The following ST8SIA4 variants were observed in gnomAD, a reference collection of about 807,000 sequenced individuals.
ST8SIA4 encodes ST8 alpha-N-acetyl-neuraminide alpha-2,8-sialyltransferase 4, also known as CMP-N-acetylneuraminate-poly-alpha-2,8-sialyltransferase.
A neutral mutation model predicts 33.9 loss-of-function variants in ST8SIA4; 15 were observed. That is an observed-to-expected ratio of 0.44 (90% CI 0.30 to 0.68). The LOEUF is 0.68. ST8SIA4 is among the 30% of genes least tolerant of loss of function. ST8SIA4 has a pLI of 0.10. For synonymous variants in ST8SIA4, 171 were observed against 151.2 expected (o/e 1.13, Z -0.96); for missense variants, 321 against 428.0 (o/e 0.75, Z 2.21).
At chr5:100,862,767 T>C (rs1235670518) in intron 3 of ST8SIA4, among the ~76,000 whole-genome samples, 3 of 152,226 alleles carry the variant, frequency 2.0e-5, no homozygotes, top group Non-Finnish European at 4.4e-5. Context: ...ATGTAATATA[T>C]GTGATTCTCA....
intron 4 of ST8SIA4, among the ~76,000 whole-genome samples, chr5:100,837,550 C>G (rs1476773035): frequency 1.3e-5 from 2 of 151,948 alleles, no homozygotes; most frequent in African/African-American, 4.8e-5. Context: ...TATGTTTATT[C>G]TGATGTGCTA....
chr5:100,850,786 T>C (rs1229364844), intron 4 of ST8SIA4, among the ~76,000 whole-genome samples: 7 of 111,510 alleles, frequency 6.3e-5, no homozygotes, highest in Non-Finnish European at 1.1e-4. Context: ...TAGATGTGTA[T>C]ATATATATAT....
chr5:100,817,109 A>ATTTTTTTTTTTTT (rs57222657), intron 4 of ST8SIA4, among the ~76,000 whole-genome samples: 3 of 74,362 alleles, frequency 4.0e-5, no homozygotes, highest in Non-Finnish European at 4.5e-5. Flanking sequence ...CACCCAGCTA[A>ATTTTTTTTTTTTT]TTTTTTTTTT....
Position 100,869,838 on chromosome 5 carries a change from T to A in ST8SIA4, c.504-13442A>T, listed in dbSNP as rs140778337. Among the ~76,000 whole-genome samples, 264 of 152,234 alleles carry A rather than the reference T, an allele frequency of 1.7e-3. 1 individual carries two copies. The highest frequency in any genetic ancestry group is 3.4e-3 in the Middle Eastern group (1 of 294). ...ACCTAACAATAGGGTGGTCTCAAAT[T>A]CTGTCTTATCTTTTTTGTTATTATT... On this transcript the variant is annotated intron_variant, in intron 3 of 4. Transcript: ENST00000231461.
intron 2 of ST8SIA4, among the ~76,000 whole-genome samples, chr5:100,888,749 T>C (rs1752595347): frequency 6.6e-6 from 1 of 151,952 alleles, no homozygotes; most frequent in Admixed American, 6.6e-5. Context: ...GTAACTCATA[T>C]CTTTTCTTTT....
chr5:100,902,864 T>C lies in ST8SIA4; in HGVS notation c.92A>G (p.His31Arg). ...TTACCCGATGAGTTGCGTCTCCTGG[T>C]GCTCCTCAGTTCTTGCTATTTCTTT... Reference protein sequence around the residue: ...KTKEIARTEEHQETQLIGDGE... With the variant: ...KTKEIARTEERQETQLIGDGE... The change falls in exon 1 of 5, where the codon CAC becomes CGC. Residue 31 changes from histidine to arginine, a missense_variant. Transcript: ENST00000231461. The C allele has an allele frequency of 6.2e-7, 1 of 1,614,172 alleles. No homozygotes were observed. The highest frequency in any genetic ancestry group is 8.5e-7 in the Non-Finnish European group (1 of 1,179,968).
intron 3 of ST8SIA4, among the ~76,000 whole-genome samples, chr5:100,869,511 A>G (rs1752151125): frequency 1.3e-5 from 2 of 152,054 alleles, no homozygotes; most frequent in South Asian, 4.2e-4. Context: ...TTCCTCCTCT[A>G]ATATCTTCCT....
chr5:100,823,470 G>T (rs186757569), intron 4 of ST8SIA4, among the ~76,000 whole-genome samples: 2 of 152,002 alleles, frequency 1.3e-5, no homozygotes, highest in Admixed American at 1.3e-4. Flanking sequence ...TCTTTCTTAC[G>T]TGAGATCCAA....
chr5:100,844,916 T>A (rs1751536302), intron 4 of ST8SIA4, among the ~76,000 whole-genome samples: 1 of 152,078 alleles, frequency 6.6e-6, no homozygotes, highest in South Asian at 2.1e-4. Context: ...CTTTGATCTC[T>A]TACCAATAGG....
intron 3 of ST8SIA4, chr5:100,885,732 A>G: frequency 7.4e-6 from 7 of 942,206 alleles, no homozygotes; most frequent in Non-Finnish European, 7.6e-6. Flanking sequence ...GGTTAATCAA[A>G]CACACAATTC....
At chr5:100,827,877 C>T (rs2112411221) in intron 4 of ST8SIA4, among the ~76,000 whole-genome samples, 1 of 152,298 alleles carries the variant, frequency 6.6e-6, no homozygotes, top group East Asian at 1.9e-4. Context: ...ATTTTAAGAT[C>T]ACAGATTTCC....
intron 3 of ST8SIA4, among the ~76,000 whole-genome samples, chr5:100,875,000 T>C (rs1197678746): frequency 6.6e-6 from 1 of 152,228 alleles, no homozygotes; most frequent in Non-Finnish European, 1.5e-5. Flanking sequence ...ATTTTTCTAA[T>C]GCTTACTAGC....
rs1033096636 is a variant in ST8SIA4 at position 100,853,067 on chromosome 5, C to T, written c.797+3036G>A. ...AGAGGATATGAAACTTCTTATTTTG[C>T]TGAACTGTATTAACCACAGGGTTTC... On this transcript the variant is annotated intron_variant, in intron 4 of 4. Coordinates refer to ENST00000231461, the MANE Select transcript of ST8SIA4 (RefSeq NM_005668.6). Among the ~76,000 whole-genome samples, 5 of 152,156 alleles carry T rather than the reference C, an allele frequency of 3.3e-5. No individual in the cohort carries two copies. In the South Asian group the frequency reaches 1.0e-3, roughly 32 times the overall value.
intron 3 of ST8SIA4, among the ~76,000 whole-genome samples, chr5:100,858,756 T>C (rs2112442978): frequency 6.6e-6 from 1 of 152,218 alleles, no homozygotes; most frequent in South Asian, 2.1e-4. Flanking sequence ...GAATGCTAAA[T>C]GAGTATGGTG....
chr5:100,822,956 C>T (rs527457636), intron 4 of ST8SIA4, among the ~76,000 whole-genome samples: 2 of 152,168 alleles, frequency 1.3e-5, no homozygotes, highest in South Asian at 4.1e-4. Flanking sequence ...ACGGTGAAAC[C>T]CCGTCTCTAC....
rs199768560 is a variant in ST8SIA4 at position 100,902,936 on chromosome 5, C to T, written c.20G>A (p.Arg7Lys). ...CAGACTTATTGTGCAGATCGTCCAC[C>T]TCTTCCTAATGGAGCGCATCTTGGG... The part of the protein sequence containing the change: MRSIRK[R>K]WTICTISLLL... Residue 7 changes from arginine (R) to lysine (K), a missense_variant, in exon 1 of 5, where the codon AGG (arginine) becomes AAG (lysine). Transcript: ENST00000231461. 14 of 1,614,048 alleles carry T rather than the reference C, an allele frequency of 8.7e-6. No individual in the cohort carries two copies. The highest frequency in any genetic ancestry group is 1.3e-5 in the African/African-American group (1 of 74,930).
intron 4 of ST8SIA4, among the ~76,000 whole-genome samples, chr5:100,843,206 A>T (rs865956610): frequency 6.6e-6 from 1 of 151,916 alleles, no homozygotes; most frequent in Non-Finnish European, 1.5e-5. Flanking sequence ...CTCTAGAGTG[A>T]CATCAAAAGG....
intron 4 of ST8SIA4, among the ~76,000 whole-genome samples, chr5:100,835,325 A>G (rs1751344693): frequency 1.3e-5 from 2 of 152,094 alleles, no homozygotes; most frequent in Admixed American, 6.6e-5. Context: ...AGAGGTTGTC[A>G]TTTTTTCCAT....
intron 3 of ST8SIA4, among the ~76,000 whole-genome samples, chr5:100,865,104 T>C (rs1467366569): frequency 6.6e-6 from 1 of 152,220 alleles, no homozygotes. Context: ...ATCAGGGAAC[T>C]CTGAACTTCC....
Sources: allele counts gnomAD v4.1 joint callset (sites outside exome capture counted in the v4.1 genomes callset), GRCh38; gene constraint gnomAD v4.1.1; transcripts MANE v1.5; gene names NCBI Gene and HGNC (gene_info 2026-07-23, HGNC 2026-07-21).